ARL6IP6: variants seen among roughly 807,000 people sequenced by gnomAD.
The protein encoded by ARL6IP6 is ADP-ribosylation factor-like protein 6-interacting protein 6.
ARL6IP6 carries 22 observed loss-of-function variants against 21.5 expected under a neutral mutation model. That is an observed-to-expected ratio of 1.02 (90% CI 0.73 to 1.46). The LOEUF is 1.46. Ranked by LOEUF, ARL6IP6 falls within the 40% of genes most tolerant of loss-of-function variation. The probability of loss-of-function intolerance (pLI) is 0.00; values close to 1 mark genes in which losing one functional copy is unlikely to be tolerated. For missense variants in ARL6IP6, 388 were observed against 299.8 expected (o/e 1.29, Z -2.17); for synonymous variants, 164 against 125.3 (o/e 1.31, Z -2.06).
chr2:152,757,137 T>A (rs1701628965), intron 3 of ARL6IP6, among the ~76,000 whole-genome samples: 1 of 152,126 alleles, frequency 6.6e-6, no homozygotes, highest in Non-Finnish European at 1.5e-5. Context: ...CAGAAAAATA[T>A]TTATTGTATG....
chr2:152,753,091 A>G (rs934608170), intron 3 of ARL6IP6, among the ~76,000 whole-genome samples: 5 of 152,038 alleles, frequency 3.3e-5, no homozygotes, highest in African/African-American at 1.2e-4. Flanking sequence ...ACGAGCCATG[A>G]TCATGCCACT....
chr2:152,738,571 A>G (rs561165869), intron 3 of ARL6IP6, among the ~76,000 whole-genome samples: 3 of 152,308 alleles, frequency 2.0e-5, no homozygotes, highest in South Asian at 2.1e-4. Context: ...CAGTCCCAAC[A>G]CCACATGTAA....
At chr2:152,729,097 C>A (rs991642061) in intron 2 of ARL6IP6, among the ~76,000 whole-genome samples, 8 of 151,768 alleles carry the variant, frequency 5.3e-5, no homozygotes, top group African/African-American at 1.7e-4. Context: ...TTTGGCTGGG[C>A]ACAGTTGCTC....
chr2:152,718,788 T>G lies in ARL6IP6; in HGVS notation c.164T>G (p.Leu55Arg), dbSNP rs776502582. Residue 55 changes from leucine (L) to arginine (R), a missense_variant, in exon 1 of 4, where the codon CTG (leucine) becomes CGG (arginine). Leu to Arg is a moderately radical substitution (Grantham distance 102, BLOSUM62 -2). Coordinates refer to ENST00000326446, the MANE Select transcript of ARL6IP6 (RefSeq NM_152522.7). ...GGATGCGACCAAGTGGCCCGCGACCTGCGGGCGGAGTTCTCGGCTGGGGCG... is the reference window on the plus strand; with the variant it reads ...GGATGCGACCAAGTGGCCCGCGACCGGCGGGCGGAGTTCTCGGCTGGGGCG... ...EEGCDQVARD[L>R]RAEFSAGAWS... The G allele has an allele frequency of 5.0e-6, 8 of 1,606,208 alleles. No homozygotes were observed. In the East Asian group the frequency reaches 1.8e-4, roughly 36 times the overall value.
chr2:152,724,109 CAAA>C (rs546002979), intron 2 of ARL6IP6, among the ~76,000 whole-genome samples: 7 of 74,218 alleles, frequency 9.4e-5, no homozygotes, highest in Admixed American at 1.5e-4. Context: ...TGACTAAGGC[CAAA>C]AAAAAAAAAA....
intron 2 of ARL6IP6, among the ~76,000 whole-genome samples, chr2:152,728,201 G>T (rs1369070485): frequency 6.6e-6 from 1 of 152,024 alleles, no homozygotes; most frequent in East Asian, 1.9e-4. Flanking sequence ...CATAATATAA[G>T]TATACCAGTT....
At chr2:152,744,514 A>G (rs1171229870) in intron 3 of ARL6IP6, among the ~76,000 whole-genome samples, 3 of 152,160 alleles carry the variant, frequency 2.0e-5, no homozygotes, top group South Asian at 2.1e-4. Flanking sequence ...TATTAGTGTT[A>G]TATCATGATT....
intron 2 of ARL6IP6, among the ~76,000 whole-genome samples, chr2:152,729,116 A>G (rs1700180382): frequency 6.6e-6 from 1 of 152,200 alleles, no homozygotes; most frequent in African/African-American, 2.4e-5. Context: ...TCACGCCTGT[A>G]ATCCCAGAAC....
chr2:152,721,538 T>A (rs1699790524), intron 2 of ARL6IP6, among the ~76,000 whole-genome samples: 1 of 152,220 alleles, frequency 6.6e-6, no homozygotes, highest in Non-Finnish European at 1.5e-5. Flanking sequence ...CATATTTTAC[T>A]CCTATTTGCT....
chr2:152,740,061 G>T lies in ARL6IP6; in HGVS notation c.587+4935G>T, dbSNP rs576594214. Among the ~76,000 whole-genome samples, 21 of 152,272 alleles carry T rather than the reference G, an allele frequency of 1.4e-4. No individual in the cohort carries two copies. In the South Asian group the frequency reaches 4.4e-3, roughly 32 times the overall value. On this transcript the variant is annotated intron_variant, in intron 3 of 3. Transcript: ENST00000326446. ...CAATTCAGGATGAGATTTGGGTGGG[G>T]ACACAGTCAAACCATATCAATTAGT... is the stretch of plus-strand genomic sequence containing the variant.
intron 3 of ARL6IP6, among the ~76,000 whole-genome samples, chr2:152,758,752 T>C (rs1050326875): frequency 2.0e-5 from 3 of 152,130 alleles, no homozygotes. Context: ...GCCACAGATA[T>C]TGTGCGACTG....
Position 152,756,204 on chromosome 2 carries a change from G to A in ARL6IP6, c.588-3543G>A, listed in dbSNP as rs529067328. ...TATGTTTCCTTCTAAGAGTTTTATA[G>A]TCTTAGTTCTTGTATTTAGGTCTTT... On this transcript the variant is annotated intron_variant, in intron 3 of 3. Coordinates refer to ENST00000326446, the MANE Select transcript of ARL6IP6 (RefSeq NM_152522.7). Among the ~76,000 whole-genome samples, 7 of 152,124 alleles carry A rather than the reference G, an allele frequency of 4.6e-5. No individual in the cohort carries two copies. The South Asian group carries it at 1.2e-3, about 27-fold the overall frequency.
rs1701760755 is a variant in ARL6IP6 at position 152,759,970 on chromosome 2, A to G, written c.*130A>G. On this transcript the variant is annotated 3_prime_UTR_variant, in exon 4 of 4. Transcript: ENST00000326446. ...ATTATGTAGTTCAGATATTTATCACAATCATCCTCATTATGGAAGACCTTT... is the reference window on the plus strand; with the variant it reads ...ATTATGTAGTTCAGATATTTATCACGATCATCCTCATTATGGAAGACCTTT... 1.4e-6 allele frequency: 1 copy of G among 707,736 alleles called. No individual in the cohort carries two copies. 43.8% of individuals were successfully genotyped at this position (707,736 alleles called of 1,614,324 possible).
intron 3 of ARL6IP6, among the ~76,000 whole-genome samples, chr2:152,746,817 CTTTCT>C (rs1439059405): frequency 2.7e-5 from 2 of 73,242 alleles, no homozygotes; most frequent in East Asian, 6.7e-4. Context: ...AGATTTTATC[CTTTCT>C]TTTTTTTTTT....
upstream of ARL6IP6, chr2:152,718,547 G>A: frequency 6.7e-7 from 1 of 1,482,368 alleles, no homozygotes; most frequent in Non-Finnish European, 8.9e-7. Context: ...GGCCACTGCC[G>A]CGGATTGGCT....
chr2:152,737,105 C>A (rs1327038538), intron 3 of ARL6IP6, among the ~76,000 whole-genome samples: 1 of 152,158 alleles, frequency 6.6e-6, no homozygotes, highest in Non-Finnish European at 1.5e-5. Flanking sequence ...AGTCCTTCCC[C>A]AAATGACCCT....
chr2:152,738,322 A>G (rs1358957898), intron 3 of ARL6IP6, among the ~76,000 whole-genome samples: 1 of 152,196 alleles, frequency 6.6e-6, no homozygotes, highest in Non-Finnish European at 1.5e-5. Flanking sequence ...GCAAGCTGTC[A>G]GTGGATCTAC....
intron 3 of ARL6IP6, among the ~76,000 whole-genome samples, chr2:152,754,978 A>G (rs922335716): frequency 2.6e-5 from 4 of 152,184 alleles, no homozygotes; most frequent in Admixed American, 2.0e-4. Flanking sequence ...GATATAGATC[A>G]TAGATGTGAT....
chr2:152,719,572 T>C (rs1699621226), intron 1 of ARL6IP6, among the ~76,000 whole-genome samples: 1 of 152,132 alleles, frequency 6.6e-6, no homozygotes, highest in South Asian at 2.1e-4. Context: ...GAAAGTATAG[T>C]CCACTCGTCC....
Sources: gnomAD v4.1 joint callset for allele counts (sites outside exome capture counted in the v4.1 genomes callset) on GRCh38, gnomAD v4.1.1 for gene constraint, MANE v1.5 for transcripts, NCBI Gene and HGNC (gene_info 2026-07-23, HGNC 2026-07-21) for gene names.